Variants in DENND5B observed in about 807,000 individuals in gnomAD.
DENND5B encodes DENN domain-containing protein 5B.
A neutral mutation model predicts 140.6 loss-of-function variants in DENND5B; 34 were observed. That is an observed-to-expected ratio of 0.24 (90% CI 0.18 to 0.32). The LOEUF (loss-of-function observed/expected upper bound fraction) is 0.32, where lower values mean the gene tolerates loss of function less well. DENND5B is among the 10% of genes least tolerant of loss of function. The probability of loss-of-function intolerance (pLI) is 1.00; values close to 1 mark genes in which losing one functional copy is unlikely to be tolerated. For synonymous variants in DENND5B, 551 were observed against 562.1 expected (o/e 0.98, Z 0.28); for missense variants, 1,142 against 1,560.2 (o/e 0.73, Z 4.52).
At chr12:31,543,635 AG>A (rs1948760669) in intron 1 of DENND5B, among the ~76,000 whole-genome samples, 1 of 152,236 alleles carries the variant, frequency 6.6e-6, no homozygotes, top group Non-Finnish European at 1.5e-5. Flanking sequence ...ACAAGTTGCT[AG>A]GAAAAAAAGA....
Position 31,409,397 on chromosome 12 carries a change from A to G in DENND5B, c.2682-13T>C. The G allele has an allele frequency of 1.3e-6, 2 of 1,526,358 alleles. No homozygotes were observed. Among genetic ancestry groups the G allele is most frequent in the South Asian group, 2.4e-5 (2 of 82,440 alleles). The allele number at this position is 1,526,358 out of a possible 1,614,324, so 94.6% of individuals were successfully genotyped here. On this transcript the variant is annotated splice_polypyrimidine_tract_variant and intron_variant, in intron 13 of 20. Coordinates refer to ENST00000389082, the MANE Select transcript of DENND5B (RefSeq NM_144973.4). ...CTTATAAAGCTTCCTAGGAAAGGGT[A>G]AGACAAGCACAAGACAGTAGTATCA...
In DENND5B at chr12:31,561,087, TAA is replaced by T. The variant is rs111546152; in HGVS notation, c.127+29617_127+29618del. On this transcript the variant is annotated intron_variant, in intron 1 of 20. Transcript: ENST00000389082. Reference sequence around the variant, plus strand: ...AAGATCCCAGTTATGTTCAGGGATTTAAAAAGAGAACTCCGTATGTAAGGGAT... The same window carrying T: ...AAGATCCCAGTTATGTTCAGGGATTTAAAGAGAACTCCGTATGTAAGGGAT... 4.6e-5 allele frequency among the ~76,000 whole-genome samples: 7 copies of T among 152,140 alleles called. 1 individual carries two copies. In the South Asian group the frequency reaches 1.5e-3, roughly 32 times the overall value.
At chr12:31,399,226 G>GA (rs1275731461) in intron 16 of DENND5B, among the ~76,000 whole-genome samples, 73 of 139,028 alleles carry the variant, frequency 5.3e-4, no homozygotes, top group African/African-American at 1.7e-3. Context: ...CCCTCACCTG[G>GA]AAAAAAAAAC....
intron 14 of DENND5B, among the ~76,000 whole-genome samples, chr12:31,408,953 C>T (rs1179675096): frequency 6.6e-6 from 1 of 152,184 alleles, no homozygotes; most frequent in Non-Finnish European, 1.5e-5. Flanking sequence ...ATGAAATCCT[C>T]ATCTATCTAA....
chr12:31,526,201 C>G (rs540284483), intron 1 of DENND5B, among the ~76,000 whole-genome samples: 1 of 152,212 alleles, frequency 6.6e-6, no homozygotes, highest in East Asian at 1.9e-4. Flanking sequence ...TCCCCCTTCA[C>G]AAGGAGGAAT....
chr12:31,575,800 A>T (rs1592081295), intron 1 of DENND5B, among the ~76,000 whole-genome samples: 1 of 152,174 alleles, frequency 6.6e-6, no homozygotes, highest in Non-Finnish European at 1.5e-5. Flanking sequence ...AAAAAAATTT[A>T]AAAATTAACC....
chr12:31,387,579 A>G lies in DENND5B; in HGVS notation c.*24T>C, dbSNP rs772522881. The G allele has an allele frequency of 6.2e-7, 1 of 1,606,926 alleles. No individual in the cohort carries two copies. Among genetic ancestry groups the G allele is most frequent in the Admixed American group, 1.7e-5 (1 of 59,770 alleles). On this transcript the variant is annotated 3_prime_UTR_variant, in exon 21 of 21. Coordinates refer to ENST00000389082, the MANE Select transcript of DENND5B (RefSeq NM_144973.4). ...TAGTTGGGGAAGGAGCAAGGTTTGG[A>G]CTGAGAGTTTCTAGCCAGTTGGGTT... is the stretch of plus-strand genomic sequence containing the variant.
chr12:31,451,754 TA>T, intron 5 of DENND5B, 185 bp downstream of exon 5: 1 of 633,844 alleles, frequency 1.6e-6, no homozygotes, highest in Non-Finnish European at 2.6e-6. Context: ...TTATCTAATG[TA>T]AAAATACTTG....
chr12:31,461,375 G>A (rs912636049), intron 3 of DENND5B, among the ~76,000 whole-genome samples: 2 of 152,046 alleles, frequency 1.3e-5, no homozygotes, highest in Non-Finnish European at 2.9e-5. Context: ...TAGTGTTTTT[G>A]TTATGTTTTA....
Position 31,423,583 on chromosome 12 carries a change from C to T in DENND5B, c.2470+14G>A. On this transcript the variant is annotated intron_variant, in intron 11 of 20. Transcript: ENST00000389082. The stretch of plus-strand genomic sequence containing the variant: ...GAGTCCAGTGCTGCTAGTTCTTTAC[C>T]AATGATGTCATACCTGGTGATTCTG... 1 of 1,613,320 alleles carries T rather than the reference C, an allele frequency of 6.2e-7. No homozygotes were observed. Among genetic ancestry groups the T allele is most frequent in the South Asian group, 1.1e-5 (1 of 91,050 alleles).
chr12:31,447,908 A>C, intron 5 of DENND5B, 139 bp from the exon 6 acceptor site: 1 of 684,456 alleles, frequency 1.5e-6, no homozygotes, highest in East Asian at 2.7e-5. Context: ...AAAATCCTTA[A>C]AAATCCACTT....
intron 1 of DENND5B, among the ~76,000 whole-genome samples, chr12:31,583,270 C>T (rs1409125354): frequency 2.1e-5 from 3 of 142,588 alleles, no homozygotes; most frequent in South Asian, 4.4e-4. Context: ...CCAGCCTGGG[C>T]GACAGAGTGA....
intron 17 of DENND5B, among the ~76,000 whole-genome samples, chr12:31,393,358 C>G (rs1941253122): frequency 6.6e-6 from 1 of 152,138 alleles, no homozygotes; most frequent in Non-Finnish European, 1.5e-5. Flanking sequence ...GCCTGAAGCC[C>G]AGAACTCCCT....
intron 1 of DENND5B, among the ~76,000 whole-genome samples, chr12:31,538,726 G>A (rs1012893329): frequency 3.3e-5 from 5 of 151,902 alleles, no homozygotes; most frequent in Admixed American, 6.6e-5. Context: ...AAAATTAGCC[G>A]GGCATGGTGG....
intron 13 of DENND5B, 87 bp from the exon 14 acceptor site, chr12:31,409,471 T>C (rs1324322239): frequency 5.6e-6 from 4 of 712,506 alleles, no homozygotes; most frequent in Non-Finnish European, 7.1e-6. Context: ...CTTTTCATTA[T>C]GTCTTTTTTT....
chr12:31,553,422 G>A (rs1251659836), intron 1 of DENND5B, among the ~76,000 whole-genome samples: 1 of 152,200 alleles, frequency 6.6e-6, no homozygotes, highest in Admixed American at 6.5e-5. Flanking sequence ...ACTGTGGTCT[G>A]AGAGACAGTT....
At chr12:31,501,312 G>A (rs1946992138) in intron 1 of DENND5B, among the ~76,000 whole-genome samples, 1 of 152,140 alleles carries the variant, frequency 6.6e-6, no homozygotes, top group South Asian at 2.1e-4. Context: ...AGAAGGATGT[G>A]TTTACTTCCC....
chr12:31,508,978 C>T (rs988248665), intron 1 of DENND5B, among the ~76,000 whole-genome samples: 4 of 152,120 alleles, frequency 2.6e-5, no homozygotes, highest in African/African-American at 7.2e-5. Flanking sequence ...ATTTTAACCA[C>T]TTTTTGAAGT....
intron 3 of DENND5B, among the ~76,000 whole-genome samples, chr12:31,475,303 A>ATAATC (rs1945747886): frequency 2.6e-5 from 4 of 152,236 alleles, no homozygotes; most frequent in African/African-American, 9.6e-5. Flanking sequence ...ATCTAGCTCT[A>ATAATC]TAATCTCAGG....
Sources: allele counts gnomAD v4.1 joint callset (sites outside exome capture counted in the v4.1 genomes callset), GRCh38; gene constraint gnomAD v4.1.1; transcripts MANE v1.5; gene names NCBI Gene and HGNC (gene_info 2026-07-23, HGNC 2026-07-21).